Variants in TRPM7 observed in about 807,000 individuals in gnomAD.
The protein encoded by TRPM7 is transient receptor potential cation channel subfamily M member 7, also known as LTRPC ion channel family member 7.
A neutral mutation model predicts 229.7 loss-of-function variants in TRPM7; 134 were observed. The observed-to-expected ratio is 0.58, with a 90% CI of 0.51 to 0.67. The LOEUF is 0.67. TRPM7 is among the 30% of genes least tolerant of loss of function. The pLI, the probability that TRPM7 is intolerant of heterozygous loss-of-function variation, is 0.00. For synonymous variants in TRPM7, 699 were observed against 715.2 expected, an observed-to-expected ratio of 0.98 and a Z score of 0.36; for missense variants, 1,901 against 2,210.0, an observed-to-expected ratio of 0.86 and a Z score of 2.80.
intron 11 of TRPM7, among the ~76,000 whole-genome samples, chr15:50,626,401 G>A (rs1334337798): frequency 2.0e-5 from 3 of 151,984 alleles, no homozygotes; most frequent in Non-Finnish European, 4.4e-5. Context: ...TTTCATATCT[G>A]AGGGGGAAAA....
intron 4 of TRPM7, among the ~76,000 whole-genome samples, chr15:50,647,968 CAG>C (rs1210174337): frequency 2.6e-5 from 4 of 152,148 alleles, no homozygotes; most frequent in African/African-American, 7.2e-5. Flanking sequence ...TAAGTAGAGA[CAG>C]AGTCTCACTA....
intron 36 of TRPM7, among the ~76,000 whole-genome samples, chr15:50,572,531 TTA>T (rs1170794626): frequency 2.6e-5 from 4 of 152,238 alleles, no homozygotes; most frequent in South Asian, 4.1e-4. Flanking sequence ...AATTTAACTT[TTA>T]TATGTACTGC....
At position 50,661,128 on chromosome 15, in the gene TRPM7, T is replaced by C. The variant is rs545438149; in HGVS notation, c.83+1839A>G. 3.3e-3 allele frequency among the ~76,000 whole-genome samples: 506 copies of C among 152,058 alleles called. 12 individuals are homozygous for C. The highest frequency in any genetic ancestry group is 7.8e-4 in the East Asian group (4 of 5,144). ...AGTAGCTGGGATGACAGGTGCCCAC[T>C]ACCACGTCTGGCTAATTTTTGTATT... On this transcript the variant is annotated intron_variant, in intron 2 of 38. Coordinates refer to ENST00000646667, the MANE Select transcript of TRPM7 (RefSeq NM_017672.6).
At chr15:50,580,990 T>C in intron 29 of TRPM7, 82 bp from the exon 30 acceptor site, 1 of 1,431,004 alleles carries the variant, frequency 7.0e-7, no homozygotes, top group Non-Finnish European at 9.3e-7. Flanking sequence ...TAACTTTTTT[T>C]CTTATATTTT....
intron 29 of TRPM7, among the ~76,000 whole-genome samples, chr15:50,581,866 ATG>A (rs907151879): frequency 6.6e-6 from 1 of 151,626 alleles, no homozygotes; most frequent in African/African-American, 2.4e-5. Context: ...CCATCTGACT[ATG>A]TAGTTTATCT....
At chr15:50,574,792 C>T in intron 34 of TRPM7, 60 bp downstream of exon 34, 2 of 1,584,396 alleles carry the variant, frequency 1.3e-6, no homozygotes, top group East Asian at 2.2e-5. Flanking sequence ...ATTGATATTT[C>T]AGAAGTTAAA....
At chr15:50,621,759 G>A (rs200159858) in intron 12 of TRPM7, among the ~76,000 whole-genome samples, 10 of 152,068 alleles carry the variant, frequency 6.6e-5, no homozygotes, top group African/African-American at 1.4e-4. Context: ...GGCTGGGTGC[G>A]GTGGCTCATG....
At chr15:50,589,507 A>G (rs948537025) in intron 27 of TRPM7, 85 bp downstream of exon 27, 78 of 979,238 alleles carry the variant, frequency 8.0e-5, no homozygotes, top group Middle Eastern at 6.1e-4. Flanking sequence ...ATTTTTGCTG[A>G]AAAAATGTTT....
At chr15:50,631,345 T>C (rs2060724171) in intron 10 of TRPM7, 72 bp downstream of exon 10, 1 of 802,206 alleles carries the variant, frequency 1.2e-6, no homozygotes, top group South Asian at 2.1e-5. Context: ...CATACACATA[T>C]ACACACATAC....
intron 19 of TRPM7, among the ~76,000 whole-genome samples, chr15:50,608,550 AT>A (rs1437646404): frequency 3.9e-5 from 6 of 152,192 alleles, no homozygotes; most frequent in Non-Finnish European, 8.8e-5. Flanking sequence ...AAACTGCCCT[AT>A]TTTCATCAGT....
chr15:50,576,535 C>T (rs757418893), intron 31 of TRPM7, among the ~76,000 whole-genome samples: 4 of 152,150 alleles, frequency 2.6e-5, no homozygotes, highest in Non-Finnish European at 5.9e-5. Flanking sequence ...CATGTGTGCA[C>T]ATACTGTACG....
At chr15:50,661,017 C>T (rs2061708873) in intron 2 of TRPM7, among the ~76,000 whole-genome samples, 1 of 151,402 alleles carries the variant, frequency 6.6e-6, no homozygotes, top group Admixed American at 6.6e-5. Context: ...CTCTTGTTAC[C>T]CAGGCTGGAG....
At chr15:50,604,114 C>T (rs149897295) in intron 21 of TRPM7, 94 of 152,008 alleles carry the variant, frequency 6.2e-4, no homozygotes, top group African/African-American at 2.2e-3. Flanking sequence ...AGGAGTAGAC[C>T]CAATATATTT....
rs117738185 is a variant in TRPM7, at chr15:50,581,014, C to T, written c.4558-106G>A. On this transcript the variant is annotated intron_variant, in intron 29 of 38. Transcript: ENST00000646667. Reference sequence around the variant, plus strand: ...TTCTTATATTTTAAGAATGAAAGGCCAAAAAACTAACATACAGTTCTTGTT... The same window carrying T: ...TTCTTATATTTTAAGAATGAAAGGCTAAAAAACTAACATACAGTTCTTGTT... The T allele has an allele frequency of 3.6e-3, 3,629 of 1,014,434 alleles. 14 individuals are homozygous for T. Among genetic ancestry groups the T allele is most frequent in the Middle Eastern group, 0.019 (89 of 4,568 alleles). The allele number at this position is 1,014,434 out of a possible 1,614,324, so 62.8% of individuals were successfully genotyped here.
chr15:50,578,888 C>A (rs375946018), intron 30 of TRPM7, among the ~76,000 whole-genome samples: 57 of 151,202 alleles, frequency 3.8e-4, no homozygotes, highest in Non-Finnish European at 7.2e-4. Flanking sequence ...TTATTAATAA[C>A]TTGTATCTCC....
Position 50,599,202 on chromosome 15 carries a change from G to A in TRPM7, c.3083C>T (p.Pro1028Leu), listed in dbSNP as rs1356191979. 3.7e-6 allele frequency: 6 copies of A among 1,613,122 alleles called. No individual in the cohort carries two copies. The highest frequency in any genetic ancestry group is 5.1e-6 in the Non-Finnish European group (6 of 1,179,332). The change falls in exon 22 of 39, where the codon CCA becomes CTA. Residue 1028 changes from proline (P) to leucine (L), a missense_variant. Pro to Leu is a moderately conservative substitution (Grantham distance 98). Coordinates refer to ENST00000646667, the MANE Select transcript of TRPM7 (RefSeq NM_017672.6). ...RKAILYPHEAPSWTLAKDIVF... is the reference protein window; with the variant it reads ...RKAILYPHEALSWTLAKDIVF... The stretch of plus-strand genomic sequence containing the variant: ...TATATCTTTAGCAAGAGTCCAAGAT[G>A]GTGCTTCATGAGGATAAAGTATTGC...
intron 31 of TRPM7, among the ~76,000 whole-genome samples, chr15:50,577,876 G>C (rs2054210355): frequency 6.6e-6 from 1 of 152,094 alleles, no homozygotes; most frequent in African/African-American, 2.4e-5. Flanking sequence ...TTATATAGTA[G>C]TGAGAATGCA....
At chr15:50,588,111 A>T (rs1482323266) in intron 27 of TRPM7, 4 of 468,978 alleles carry the variant, frequency 8.5e-6, no homozygotes, top group African/African-American at 8.5e-5. Context: ...CTGAACCTAC[A>T]CCTATTTCCT....
At position 50,561,676 on chromosome 15, in the gene TRPM7, T is replaced by C. The variant is rs1479005977; in HGVS notation, c.*2A>G. Reference sequence around the variant, plus strand: ...AAAACCAATGATTCAGTAATATTAATATTATAACATCAGACGAACAGAATT... The same window carrying C: ...AAAACCAATGATTCAGTAATATTAACATTATAACATCAGACGAACAGAATT... On this transcript the variant is annotated 3_prime_UTR_variant, in exon 39 of 39. Coordinates refer to ENST00000646667, the MANE Select transcript of TRPM7 (RefSeq NM_017672.6). 2 of 1,604,004 alleles carry C rather than the reference T, an allele frequency of 1.2e-6. No homozygotes were observed. Among genetic ancestry groups the C allele is most frequent in the African/African-American group, 1.3e-5 (1 of 74,194 alleles).
Sources: gnomAD v4.1 joint callset for allele counts (sites outside exome capture counted in the v4.1 genomes callset) on GRCh38, gnomAD v4.1.1 for gene constraint, MANE v1.5 for transcripts, NCBI Gene and HGNC (gene_info 2026-07-23, HGNC 2026-07-21) for gene names.